The following PLCG2 variants were observed in gnomAD, a reference collection of about 807,000 sequenced individuals.
PLCG2 encodes the protein 1-phosphatidylinositol 4,5-bisphosphate phosphodiesterase gamma-2.
A neutral mutation model predicts 175.6 loss-of-function variants in PLCG2; 69 were observed. That is an observed-to-expected ratio of 0.39 (90% CI 0.32 to 0.48). PLCG2 has a LOEUF of 0.48. PLCG2 is among the 20% of genes least tolerant of loss of function. The pLI is 0.91. For synonymous variants in PLCG2, 827 were observed against 624.0 expected (o/e 1.33, Z -4.85); for missense variants, 1,798 against 1,650.9 (o/e 1.09, Z -1.54).
At chr16:81,921,699 C>A in intron 21 of PLCG2, 1 of 258,376 alleles carries the variant, frequency 3.9e-6, no homozygotes, top group Non-Finnish European at 7.6e-6. Flanking sequence ...TTACTTTCAG[C>A]CCTCGGCTCC....
chr16:81,817,920 G>A (rs190385278), intron 2 of PLCG2, among the ~76,000 whole-genome samples: 1 of 152,228 alleles, frequency 6.6e-6, no homozygotes, highest in Admixed American at 6.5e-5. Context: ...GGGAGAAGGG[G>A]GTTAAGTGAA....
intron 26 of PLCG2, chr16:81,935,754 G>A: frequency 1.0e-6 from 1 of 985,284 alleles, no homozygotes; most frequent in Non-Finnish European, 1.2e-6. Flanking sequence ...CCTACCTGTG[G>A]GCTTTGGCAG....
At chr16:81,803,373 T>C (rs776821326) in intron 2 of PLCG2, among the ~76,000 whole-genome samples, 2 of 152,104 alleles carry the variant, frequency 1.3e-5, no homozygotes, top group Non-Finnish European at 2.9e-5. Flanking sequence ...GGTTCGTTCA[T>C]ATTGTAGCAT....
At chr16:81,763,405 G>A (rs961300877) in intron 2 of PLCG2, among the ~76,000 whole-genome samples, 4 of 152,240 alleles carry the variant, frequency 2.6e-5, no homozygotes, top group African/African-American at 9.6e-5. Context: ...TCTCTGCAAG[G>A]TCTCTTGTCC....
intron 2 of PLCG2, among the ~76,000 whole-genome samples, chr16:81,848,498 T>A (rs529592431): frequency 6.6e-6 from 1 of 152,320 alleles, no homozygotes; most frequent in East Asian, 1.9e-4. Context: ...TTTGTACATG[T>A]GCGTTTGCAT....
rs764049351 is a variant in PLCG2 at position 81,928,636 on chromosome 16, C to A, written c.2581+12C>A. 1.3e-6 allele frequency: 2 copies of A among 1,576,146 alleles called. No individual in the cohort carries two copies. Among genetic ancestry groups the A allele is most frequent in the Non-Finnish European group, 1.7e-6 (2 of 1,145,448 alleles). On this transcript the variant is annotated intron_variant, in intron 24 of 32. Coordinates refer to ENST00000564138, the MANE Select transcript of PLCG2 (RefSeq NM_002661.5). ...TACCTATAACGTCGGTACGTGCACACATCATCTTAGCCTGGATTTCCACCC... is the reference window on the plus strand; with the variant it reads ...TACCTATAACGTCGGTACGTGCACAAATCATCTTAGCCTGGATTTCCACCC...
At chr16:81,942,327 GA>G (rs1313489998) in intron 30 of PLCG2, among the ~76,000 whole-genome samples, 1 of 152,136 alleles carries the variant, frequency 6.6e-6, no homozygotes, top group Non-Finnish European at 1.5e-5. Flanking sequence ...TGGAGATTTG[GA>G]AAAAACAAAG....
intron 2 of PLCG2, among the ~76,000 whole-genome samples, chr16:81,809,188 C>A (rs995699999): frequency 1.3e-5 from 2 of 152,142 alleles, no homozygotes; most frequent in African/African-American, 4.8e-5. Context: ...CTTATCCCCT[C>A]AGCACACACC....
intron 2 of PLCG2, among the ~76,000 whole-genome samples, chr16:81,805,767 G>GTTTTGTTTTGTTTTTT (rs1555508066): frequency 2.5e-5 from 1 of 39,518 alleles, no homozygotes; most frequent in African/African-American, 1.2e-4. Flanking sequence ...GTTTTGTTTT[G>GTTTTGTTTTGTTTTTT]TTTTTTTTTT....
At chr16:81,762,162 C>G (rs1910055105) in intron 2 of PLCG2, among the ~76,000 whole-genome samples, 1 of 152,088 alleles carries the variant, frequency 6.6e-6, no homozygotes, top group African/African-American at 2.4e-5. Flanking sequence ...TTTGCTTTGT[C>G]ACATCTGTCT....
chr16:81,826,039 A>G (rs1905032020), intron 2 of PLCG2, among the ~76,000 whole-genome samples: 1 of 152,196 alleles, frequency 6.6e-6, no homozygotes, highest in Non-Finnish European at 1.5e-5. Context: ...TATCTAGTAA[A>G]TATTTCAAAC....
chr16:81,947,788 A>C (rs1911207644), intron 31 of PLCG2, among the ~76,000 whole-genome samples: 1 of 152,214 alleles, frequency 6.6e-6, no homozygotes, highest in South Asian at 2.1e-4. Flanking sequence ...GAGTATTTTT[A>C]GCACCATTTT....
chr16:81,819,863 T>C (rs138450037), intron 2 of PLCG2, among the ~76,000 whole-genome samples: 1,971 of 152,354 alleles, frequency 0.013, 36 homozygotes, highest in African/African-American at 0.046. Flanking sequence ...GGATTACAGC[T>C]GTGAGCCACT....
Position 81,854,496 on chromosome 16 carries a change from C to G in PLCG2, c.246C>G (p.Phe82Leu), listed in dbSNP as rs771764012. Residue 82 changes from phenylalanine to leucine, a missense_variant, in exon 3 of 33, where the codon TTC (phenylalanine) becomes TTG (leucine). Physicochemically the swap from Phe to Leu is conservative, Grantham distance 22 (BLOSUM62 0). Transcript: ENST00000564138. ...GCCCAGGGAAGAACTCCAAAGATTT[C>G]GAGCGAGCAAAAGCAGTTCGCCAGA... ...EIRPGKNSKD[F>L]ERAKAVRQKE... The G allele has an allele frequency of 6.2e-7, 1 of 1,613,866 alleles. No individual in the cohort carries two copies. The highest frequency in any genetic ancestry group is 1.3e-5 in the African/African-American group (1 of 74,918).
At chr16:81,840,602 T>A (rs539929035) in intron 2 of PLCG2, among the ~76,000 whole-genome samples, 1 of 152,264 alleles carries the variant, frequency 6.6e-6, no homozygotes, top group South Asian at 2.1e-4. Flanking sequence ...ACAACCTGGG[T>A]CCCTCACATG....
chr16:81,935,097 A>C (rs529907711), intron 26 of PLCG2, among the ~76,000 whole-genome samples: 3 of 152,268 alleles, frequency 2.0e-5, no homozygotes, highest in African/African-American at 7.2e-5. Context: ...GGTGGCTGAA[A>C]ACAACATTTA....
chr16:81,863,285 G>A lies in PLCG2; in HGVS notation c.479+4122G>A, dbSNP rs573766225. 2.0e-5 allele frequency among the ~76,000 whole-genome samples: 3 copies of A among 152,338 alleles called. No individual in the cohort carries two copies. The South Asian group carries it at 6.2e-4, about 32-fold the overall frequency. Reference sequence around the variant, plus strand: ...GGATTGCTCCAGGTACCTCATATAAGTGGACTAGCAGAATATTTGTCCTTT... The same window carrying A: ...GGATTGCTCCAGGTACCTCATATAAATGGACTAGCAGAATATTTGTCCTTT... On this transcript the variant is annotated intron_variant, in intron 5 of 32. Coordinates refer to ENST00000564138, the MANE Select transcript of PLCG2 (RefSeq NM_002661.5).
chr16:81,777,032 A>C (rs1000507875), upstream of PLCG2, among the ~76,000 whole-genome samples: 10 of 152,222 alleles, frequency 6.6e-5, no homozygotes, highest in Non-Finnish European at 1.2e-4. Context: ...TGAAAGAAAA[A>C]AAAGCAAACT....
rs184200463 is a variant in PLCG2 at position 81,747,769 on chromosome 16, A to G, written c.-144-8101A>G. On this transcript the variant is annotated intron_variant, in intron 1 of 5. Coordinates refer to the PLCG2 transcript ENST00000565054. ...GAAACAGAAATTCAAGTTAAGAGAG[A>G]TTTGCAAAATGCCTGGACACTCAAA... 7.2e-5 allele frequency among the ~76,000 whole-genome samples: 11 copies of G among 152,292 alleles called. No individual in the cohort carries two copies. In the East Asian group the frequency reaches 1.9e-3, roughly 27 times the overall value.
Sources: allele counts gnomAD v4.1 joint callset (sites outside exome capture counted in the v4.1 genomes callset), GRCh38; gene constraint gnomAD v4.1.1; transcripts MANE v1.5; gene names NCBI Gene and HGNC (gene_info 2026-07-23, HGNC 2026-07-21).